Variants in KIRREL3 observed in about 807,000 individuals in gnomAD.
KIRREL3 encodes the protein kirre like nephrin family adhesion molecule 3.
Under a neutral mutation model 89.7 loss-of-function variants are expected in KIRREL3, and 36 were observed. The observed-to-expected ratio is 0.40, with a 90% CI of 0.31 to 0.53. The LOEUF is 0.53. Among genes scored for constraint, KIRREL3 ranks in the 20% least tolerant of loss-of-function variants. The probability of loss-of-function intolerance (pLI) is 0.49; values close to 1 mark genes in which losing one functional copy is unlikely to be tolerated. For synonymous variants in KIRREL3, 445 were observed against 441.4 expected (o/e 1.01, Z -0.10); for missense variants, 864 against 1,056.6 (o/e 0.82, Z 2.53).
In KIRREL3 at chr11:126,946,109, T is replaced by G. The variant is rs1289913099; in HGVS notation, c.55+54346A>C. 6.6e-6 allele frequency among the ~76,000 whole-genome samples: 1 copy of G among 152,124 alleles called. No homozygotes were observed. Among genetic ancestry groups the G allele is most frequent in the African/African-American group, 2.4e-5 (1 of 41,422 alleles). ...AAATCCTGACCAGAATGGCTGAGATTTCTGAGCTGGAACCCAGCACCCTAG... is the reference window on the plus strand; with the variant it reads ...AAATCCTGACCAGAATGGCTGAGATGTCTGAGCTGGAACCCAGCACCCTAG... On this transcript the variant is annotated intron_variant, in intron 1 of 16. Coordinates refer to ENST00000525144, the MANE Select transcript of KIRREL3 (RefSeq NM_032531.4). The surrounding 1 kb of genome is among the most constrained non-coding windows in gnomAD (Gnocchi z 4.1).
intron 1 of KIRREL3, among the ~76,000 whole-genome samples, chr11:126,592,364 AT>A (rs1265648950): frequency 6.6e-6 from 1 of 152,196 alleles, no homozygotes; most frequent in Non-Finnish European, 1.5e-5. Flanking sequence ...ACACAGTACT[AT>A]AAAGGTACCA....
intron 1 of KIRREL3, among the ~76,000 whole-genome samples, chr11:126,731,549 G>A (rs1948617207): frequency 6.6e-6 from 1 of 152,144 alleles, no homozygotes; most frequent in South Asian, 2.1e-4. Context: ...TATCTTTACA[G>A]ACCCAATGCC....
At chr11:126,849,414 T>TCTGGAGCCTGTGACTATGAGAGGCCAGG (rs1944261030) in intron 1 of KIRREL3, among the ~76,000 whole-genome samples, 1 of 152,236 alleles carries the variant, frequency 6.6e-6, no homozygotes. Flanking sequence ...ATTTCTTTAC[T>TCTGGAGCCTGTGACTATGAGAGGCCAGG]TTCTTAGTAA....
chr11:126,531,903 G>C lies in KIRREL3; in HGVS notation c.134-5216C>G, dbSNP rs928790340. Reference sequence around the variant, plus strand: ...ACTTAGAGTTTGCCTGCTCTGGTTGGTCTGCTGAGATCGGTGGTCACTACA... The same window carrying C: ...ACTTAGAGTTTGCCTGCTCTGGTTGCTCTGCTGAGATCGGTGGTCACTACA... On this transcript the variant is annotated intron_variant, in intron 2 of 16. Coordinates refer to ENST00000525144, the MANE Select transcript of KIRREL3 (RefSeq NM_032531.4). This position sits in a 1 kb window ranked among gnomAD's most constrained non-coding sequence, Gnocchi z 4.7. Among the ~76,000 whole-genome samples, 22 of 152,278 alleles carry C rather than the reference G, an allele frequency of 1.4e-4. 1 individual carries two copies. Among genetic ancestry groups the C allele is most frequent in the Admixed American group, 1.2e-3 (19 of 15,296 alleles).
At chr11:126,625,298 A>C (rs929642682) in intron 1 of KIRREL3, among the ~76,000 whole-genome samples, 1 of 152,124 alleles carries the variant, frequency 6.6e-6, no homozygotes, top group African/African-American at 2.4e-5. Flanking sequence ...GTCTATTCTC[A>C]GTTACCTTTA....
rs1041735932 is a variant in KIRREL3, at chr11:126,983,399, C to T, written c.55+17056G>A. Among the ~76,000 whole-genome samples, 3 of 152,106 alleles carry T rather than the reference C, an allele frequency of 2.0e-5. No individual in the cohort carries two copies. The highest frequency in any genetic ancestry group is 4.4e-5 in the Non-Finnish European group (3 of 68,038). ...TTCTTGCGGTAGACAGAATAATGGC[C>T]GCCAAAGATGCCCATGTCCTAATCC... On this transcript the variant is annotated intron_variant, in intron 1 of 16. Transcript: ENST00000525144. The surrounding 1 kb of genome is among the most constrained non-coding windows in gnomAD (Gnocchi z 4.9).
rs531934946 is a variant in KIRREL3, at chr11:126,552,166, C to G, written c.133+10669G>C. Among the ~76,000 whole-genome samples, 144 of 152,338 alleles carry G rather than the reference C, an allele frequency of 9.5e-4. 1 individual carries two copies. In the South Asian group the frequency reaches 0.029, roughly 31 times the overall value. The stretch of plus-strand genomic sequence containing the variant: ...CAGGTATTATTCCTCATTTTCTCCA[C>G]TAGTCGTTTATTTTTTACCTGCACT... On this transcript the variant is annotated intron_variant, in intron 2 of 16. Transcript: ENST00000525144.
rs1349990062 is a variant in KIRREL3, at chr11:126,527,671, G to A, written c.134-984C>T. ...ATCACCGTGGCAACACTCGAATGGG[G>A]CATTGTCAACCCCATTTGACAGGAC... On this transcript the variant is annotated intron_variant, in intron 2 of 16. Transcript: ENST00000525144. This position sits in a 1 kb window ranked among gnomAD's most constrained non-coding sequence, Gnocchi z 4.2. 1.3e-5 allele frequency among the ~76,000 whole-genome samples: 2 copies of A among 152,184 alleles called. No individual in the cohort carries two copies. The highest frequency in any genetic ancestry group is 2.9e-5 in the Non-Finnish European group (2 of 68,040).
intron 6 of KIRREL3, among the ~76,000 whole-genome samples, chr11:126,458,560 G>A (rs1956448032): frequency 6.6e-6 from 1 of 152,246 alleles, no homozygotes; most frequent in Non-Finnish European, 1.5e-5. Context: ...GAGCTGGCCT[G>A]AGAGATGGCC....
At chr11:126,826,391 T>C (rs143706573) in intron 1 of KIRREL3, among the ~76,000 whole-genome samples, 1 of 152,356 alleles carries the variant, frequency 6.6e-6, no homozygotes, top group East Asian at 1.9e-4. Flanking sequence ...CTTCCTTGAT[T>C]TCCCATATGA....
chr11:126,424,834 A>C lies in KIRREL3; in HGVS notation c.2083T>G (p.Phe695Val), dbSNP rs1591510855. 6.2e-7 allele frequency: 1 copy of C among 1,613,978 alleles called. No homozygotes were observed. Residue 695 changes from phenylalanine (F) to valine (V), a missense_variant, in exon 17 of 17, where the codon TTT (phenylalanine) becomes GTT (valine). Physicochemically the swap from Phe to Val is conservative, Grantham distance 50. Transcript: ENST00000525144. ...GACGAGCTGCCCATGCCCAGCACAAACCGCTGCCCGTAGTCGTAGAGGCGG... is the reference window on the plus strand; with the variant it reads ...GACGAGCTGCCCATGCCCAGCACAACCCGCTGCCCGTAGTCGTAGAGGCGG... ...QGRLYDYGQR[F>V]VLGMGSSSIE...
rs905560747 is a variant in KIRREL3, at chr11:126,531,963, G to A, written c.134-5276C>T. Among the ~76,000 whole-genome samples the A allele has an allele frequency of 3.9e-5, 6 of 152,050 alleles. No individual in the cohort carries two copies. The highest frequency in any genetic ancestry group is 2.1e-4 in the South Asian group (1 of 4,826). ...CTTTTGCATTATGAACTACTAACCCGGCAGATACTGTTCAGAGCACACCAC... is the reference window on the plus strand; with the variant it reads ...CTTTTGCATTATGAACTACTAACCCAGCAGATACTGTTCAGAGCACACCAC... On this transcript the variant is annotated intron_variant, in intron 2 of 16. Coordinates refer to ENST00000525144, the MANE Select transcript of KIRREL3 (RefSeq NM_032531.4). The surrounding 1 kb of genome is among the most constrained non-coding windows in gnomAD (Gnocchi z 4.7).
At chr11:126,777,645 T>G (rs1345891549) in intron 1 of KIRREL3, among the ~76,000 whole-genome samples, 3 of 152,218 alleles carry the variant, frequency 2.0e-5, no homozygotes, top group Admixed American at 1.3e-4. Flanking sequence ...AAGTCACTTT[T>G]TACCACCTAC....
chr11:126,563,315 G>A lies in KIRREL3; in HGVS notation c.56-403C>T, dbSNP rs1940266909. On this transcript the variant is annotated intron_variant, in intron 1 of 16. Transcript: ENST00000525144. The surrounding 1 kb of genome is among the most constrained non-coding windows in gnomAD (Gnocchi z 6.8). ...GGGGACTATGCTCAGATCAACTTGGGACTGTGGCCAGACCTGCCAGGGATG... is the reference window on the plus strand; with the variant it reads ...GGGGACTATGCTCAGATCAACTTGGAACTGTGGCCAGACCTGCCAGGGATG... Among the ~76,000 whole-genome samples the A allele has an allele frequency of 6.6e-6, 1 of 152,168 alleles. No individual in the cohort carries two copies. Among genetic ancestry groups the A allele is most frequent in the Non-Finnish European group, 1.5e-5 (1 of 68,034 alleles).
rs1849849158 is a variant in KIRREL3 at position 126,752,358 on chromosome 11, A to C, written c.56-189446T>G. Among the ~76,000 whole-genome samples the C allele has an allele frequency of 6.6e-6, 1 of 152,158 alleles. No individual in the cohort carries two copies. The highest frequency in any genetic ancestry group is 1.9e-4 in the East Asian group (1 of 5,198). On this transcript the variant is annotated intron_variant, in intron 1 of 16. Transcript: ENST00000525144. This position sits in a 1 kb window ranked among gnomAD's most constrained non-coding sequence, Gnocchi z 4.8. ...GAGAGTTGAAATGATGGCTTTAAAA[A>C]ATGTCAGGATTAGTTGGGCATTTAT...
rs921031306 is a variant in KIRREL3 at position 126,608,482 on chromosome 11, C to T, written c.56-45570G>A. Reference sequence around the variant, plus strand: ...GCCCTTCCTCTGTCTGTGGGAGGTGCGCGTCTGGCATTCCTCCAGTGCGTT... The same window carrying T: ...GCCCTTCCTCTGTCTGTGGGAGGTGTGCGTCTGGCATTCCTCCAGTGCGTT... On this transcript the variant is annotated intron_variant, in intron 1 of 16. Coordinates refer to ENST00000525144, the MANE Select transcript of KIRREL3 (RefSeq NM_032531.4). The surrounding 1 kb of genome is among the most constrained non-coding windows in gnomAD (Gnocchi z 4.9). Among the ~76,000 whole-genome samples, 1 of 151,974 alleles carries T rather than the reference C, an allele frequency of 6.6e-6. No homozygotes were observed. The highest frequency in any genetic ancestry group is 1.5e-5 in the Non-Finnish European group (1 of 68,030).
intron 1 of KIRREL3, among the ~76,000 whole-genome samples, chr11:126,619,772 G>T (rs1943503280): frequency 6.6e-6 from 1 of 152,184 alleles, no homozygotes; most frequent in Non-Finnish European, 1.5e-5. Flanking sequence ...TAGAATCTCT[G>T]ACACTGGACC....
intron 15 of KIRREL3, among the ~76,000 whole-genome samples, chr11:126,426,917 G>GC (rs976388409): frequency 1.4e-4 from 21 of 152,184 alleles, no homozygotes; most frequent in African/African-American, 5.1e-4. Flanking sequence ...TTCTAAGTCT[G>GC]CCCCTTCTTG....
chr11:126,583,070 C>T (rs1941641739), intron 1 of KIRREL3, among the ~76,000 whole-genome samples: 2 of 152,184 alleles, frequency 1.3e-5, no homozygotes, highest in African/African-American at 4.8e-5. Context: ...CAGTTACCCA[C>T]CATCATGGAA....
Sources: allele counts gnomAD v4.1 joint callset (sites outside exome capture counted in the v4.1 genomes callset), GRCh38; gene constraint gnomAD v4.1.1; non-coding constraint Gnocchi (gnomAD v3.1); transcripts MANE v1.5; gene names NCBI Gene and HGNC (gene_info 2026-07-23, HGNC 2026-07-21).